Variants in ZC3H13 observed in about 807,000 individuals in gnomAD.
ZC3H13 encodes zinc finger CCCH domain-containing protein 13.
A neutral mutation model predicts 204.1 loss-of-function variants in ZC3H13; 64 were observed. The ratio of observed to expected loss-of-function variants is 0.31; its 90% CI spans 0.26 to 0.39. ZC3H13 has a LOEUF of 0.39. Among genes scored for constraint, ZC3H13 ranks in the 10% least tolerant of loss-of-function variants. The pLI is 1.00. For synonymous variants in ZC3H13, 667 were observed against 693.7 expected (o/e 0.96, Z 0.60); for missense variants, 1,833 against 2,082.7 (o/e 0.88, Z 2.33).
At chr13:45,993,372 C>T (rs1160587188) in intron 8 of ZC3H13, among the ~76,000 whole-genome samples, 1 of 152,118 alleles carries the variant, frequency 6.6e-6, no homozygotes, top group Non-Finnish European at 1.5e-5. Context: ...AAGGAAAGGA[C>T]CCTTACTAGA....
At position 45,975,681 on chromosome 13, in the gene ZC3H13, C is replaced by T. The variant is rs1297312918; in HGVS notation, c.2070G>A (p.Glu690=). 6.2e-7 allele frequency: 1 copy of T among 1,612,372 alleles called. No individual in the cohort carries two copies. Among genetic ancestry groups the T allele is most frequent in the Admixed American group, 1.7e-5 (1 of 59,720 alleles). ...GATCCCGTTCACGTTCCCTCTCTCTCTCCCGCTCCCTGTCTCGTTCTCGTT... is the reference window on the plus strand; with the variant it reads ...GATCCCGTTCACGTTCCCTCTCTCTTTCCCGCTCCCTGTCTCGTTCTCGTT... ...DRERERDRER[E]RERERERDRE... The change falls in exon 12 of 19, where the codon GAG becomes GAA. Residue 690 remains glutamate, a synonymous_variant. Coordinates refer to ENST00000679008, the MANE Select transcript of ZC3H13 (RefSeq NM_001330564.2).
At chr13:46,051,300 T>TA (rs1001047115) in intron 1 of ZC3H13, among the ~76,000 whole-genome samples, 2 of 152,186 alleles carry the variant, frequency 1.3e-5, no homozygotes, top group African/African-American at 4.8e-5. Context: ...ATACATTTGA[T>TA]AAAACTGAAT....
At chr13:46,007,542 G>C (rs1303621066) in intron 7 of ZC3H13, among the ~76,000 whole-genome samples, 1 of 152,026 alleles carries the variant, frequency 6.6e-6, no homozygotes, top group Non-Finnish European at 1.5e-5. Context: ...CGACATTTTG[G>C]GACTTGGCTA....
chr13:45,983,057 C>T, intron 10 of ZC3H13, among the ~76,000 whole-genome samples: 1 of 152,076 alleles, frequency 6.6e-6, no homozygotes, highest in East Asian at 1.9e-4. Flanking sequence ...AATGACAGAA[C>T]AAACAGACTA....
At chr13:45,988,202 C>T (rs1451177502) in intron 9 of ZC3H13, among the ~76,000 whole-genome samples, 1 of 152,044 alleles carries the variant, frequency 6.6e-6, no homozygotes, top group Non-Finnish European at 1.5e-5. Context: ...ATCAGATGGC[C>T]AAAAATTTCT....
At chr13:45,961,749 TAC>T (rs1951706489) in intron 17 of ZC3H13, among the ~76,000 whole-genome samples, 1 of 152,098 alleles carries the variant, frequency 6.6e-6, no homozygotes, top group Non-Finnish European at 1.5e-5. Context: ...TGGATTGTAA[TAC>T]AGAGGATAAA....
At chr13:46,014,179 ATTTTAC>A (rs2041761458) in intron 5 of ZC3H13, among the ~76,000 whole-genome samples, 1 of 152,086 alleles carries the variant, frequency 6.6e-6, no homozygotes, top group Non-Finnish European at 1.5e-5. Flanking sequence ...AAATTTATTT[ATTTTAC>A]TTTAAGTTCT....
At chr13:45,994,382 G>C (rs939987324) in intron 8 of ZC3H13, among the ~76,000 whole-genome samples, 3 of 152,152 alleles carry the variant, frequency 2.0e-5, no homozygotes, top group Non-Finnish European at 2.9e-5. Flanking sequence ...CATTGTTCAA[G>C]GGTCAACTGT....
chr13:45,959,760 G>A, intron 17 of ZC3H13, 114 bp from the exon 18 acceptor site: 1 of 1,190,076 alleles, frequency 8.4e-7, no homozygotes, highest in Non-Finnish European at 1.1e-6. Flanking sequence ...CAACATTGGT[G>A]AAAATTATTT....
In ZC3H13 at chr13:45,985,278, G is replaced by C. The variant is rs1249685251; in HGVS notation, c.1720+19C>G. On this transcript the variant is annotated intron_variant, in intron 10 of 18. Transcript: ENST00000679008. Reference sequence around the variant, plus strand: ...CTTTCTATATAAGATATAGTTCATAGACAAGTCAAAAACCTTACCCTTTTC... The same window carrying C: ...CTTTCTATATAAGATATAGTTCATACACAAGTCAAAAACCTTACCCTTTTC... 7 of 1,586,346 alleles carry C rather than the reference G, an allele frequency of 4.4e-6. No homozygotes were observed. The highest frequency in any genetic ancestry group is 6.0e-6 in the Non-Finnish European group (7 of 1,167,156).
rs113175154 is a variant in ZC3H13 at position 46,010,467 on chromosome 13, T to C, written c.627A>G (p.Ser209=). ...PEVVRSKLSP[S]PSLRKSSKSP... Reference sequence around the variant, plus strand: ...ATTTGCTAGACTTTCTTAGAGAAGGTGACGGGGACAATTTTGATCTAACCA... The same window carrying C: ...ATTTGCTAGACTTTCTTAGAGAAGGCGACGGGGACAATTTTGATCTAACCA... Residue 209 remains serine (S), a synonymous_variant, in exon 7 of 19, where the codon TCA becomes TCG. Transcript: ENST00000679008. 19 of 1,613,732 alleles carry C rather than the reference T, an allele frequency of 1.2e-5. No homozygotes were observed. In the African/African-American group the frequency reaches 1.5e-4, roughly 12 times the overall value.
At chr13:45,962,158 A>T in intron 17 of ZC3H13, 1 of 985,220 alleles carries the variant, frequency 1.0e-6, no homozygotes, top group African/African-American at 1.7e-5. Context: ...AAATATAGAT[A>T]GATAATTAGA....
Position 45,969,202 on chromosome 13 carries a change from A to G in ZC3H13, c.3342T>C (p.Thr1114=). 2 of 1,613,994 alleles carry G rather than the reference A, an allele frequency of 1.2e-6. No homozygotes were observed. The highest frequency in any genetic ancestry group is 1.7e-6 in the Non-Finnish European group (2 of 1,179,964). ...PPPVATATAT[T]VPATLAATTA... is the part of the protein sequence containing the mutation. The stretch of plus-strand genomic sequence containing the variant: ...TAGTGGCAGCAAGAGTTGCAGGCAC[A>G]GTTGTAGCAGTGGCAGTAGCCACAG... Residue 1114 remains threonine, a synonymous_variant, in exon 14 of 19, where the codon ACT becomes ACC. Transcript: ENST00000679008.
intron 8 of ZC3H13, chr13:46,001,384 T>C (rs1308014734): frequency 6.6e-6 from 1 of 152,226 alleles, no homozygotes; most frequent in African/African-American, 2.4e-5. Context: ...TTGTCACATA[T>C]GGCTTTAGAA....
intron 4 of ZC3H13, among the ~76,000 whole-genome samples, chr13:46,028,511 AT>A (rs1247718205): frequency 6.6e-6 from 1 of 152,202 alleles, no homozygotes; most frequent in Non-Finnish European, 1.5e-5. Context: ...CAAAATACAC[AT>A]TCTTCTCAAG....
chr13:45,974,120 G>A (rs908024931), intron 12 of ZC3H13, among the ~76,000 whole-genome samples: 1 of 152,194 alleles, frequency 6.6e-6, no homozygotes, highest in Non-Finnish European at 1.5e-5. Context: ...GTATGTTTTG[G>A]CAAGGTAAAC....
chr13:46,045,161 G>T, intron 2 of ZC3H13, 97 bp from the exon 3 acceptor site: 1 of 1,155,666 alleles, frequency 8.7e-7, no homozygotes. Context: ...CAAAATTCCA[G>T]CTAACCTGTG....
At chr13:45,985,276 T>C (rs1451936934) in intron 10 of ZC3H13, 21 bp downstream of exon 10, 13 of 1,584,646 alleles carry the variant, frequency 8.2e-6, no homozygotes, top group South Asian at 2.3e-5. Flanking sequence ...ATATAGTTCA[T>C]AGACAAGTCA....
At position 45,975,364 on chromosome 13, in the gene ZC3H13, CCTTTGT is replaced by C. The variant is rs754027298; in HGVS notation, c.2381_2386del (p.Asp794_Lys795del). On this transcript the variant is annotated inframe_deletion, in exon 12 of 19. Coordinates refer to ENST00000679008, the MANE Select transcript of ZC3H13 (RefSeq NM_001330564.2). ...TCGCTTTTCTCTGCGGTCATCTCGT[CCTTTGT>C]CTTTGTCTTCCCAATCCCTTTGGCG... The C allele has an allele frequency of 5.6e-6, 9 of 1,614,048 alleles. No homozygotes were observed. Among genetic ancestry groups the C allele is most frequent in the Admixed American group, 5.0e-5 (3 of 60,004 alleles).
Sources: allele counts gnomAD v4.1 joint callset (sites outside exome capture counted in the v4.1 genomes callset), GRCh38; gene constraint gnomAD v4.1.1; transcripts MANE v1.5; gene names NCBI Gene and HGNC (gene_info 2026-07-23, HGNC 2026-07-21).